ROBO1: variants seen among roughly 807,000 people sequenced by gnomAD.
The protein encoded by ROBO1 is roundabout guidance receptor 1.
Under a neutral mutation model 195.9 loss-of-function variants are expected in ROBO1, and 149 were observed. That is an observed-to-expected ratio of 0.76 (90% CI 0.67 to 0.87). The LOEUF (loss-of-function observed/expected upper bound fraction) is 0.87. Ranked by LOEUF, ROBO1 falls within the 40% of genes least tolerant of loss-of-function variation. ROBO1 has a pLI of 0.00. For missense variants in ROBO1, 1,933 were observed against 2,068.3 expected (o/e 0.93, Z 1.27); for synonymous variants, 816 against 733.2 (o/e 1.11, Z -1.82).
intron 16 of ROBO1, 85 bp from the exon 17 acceptor site, chr3:78,659,892 A>T: frequency 3.1e-6 from 3 of 969,694 alleles, no homozygotes; most frequent in Non-Finnish European, 4.4e-6. Context: ...CCAATAATAG[A>T]TGTATTAATA....
At chr3:79,193,581 C>CTTTTTTTTTT (rs869203963) in intron 2 of ROBO1, among the ~76,000 whole-genome samples, 2 of 85,626 alleles carry the variant, frequency 2.3e-5, no homozygotes, top group African/African-American at 4.5e-5. Context: ...TGTGGTTTTG[C>CTTTTTTTTTT]TTTTTTTTTT....
intron 30 of ROBO1, among the ~76,000 whole-genome samples, chr3:78,599,231 T>TACA (rs199735389): frequency 0.032 from 4,803 of 152,238 alleles, 93 homozygotes; most frequent in Non-Finnish European, 0.05. Context: ...AAGTCAACAT[T>TACA]ACAACTCTGC....
At chr3:78,959,183 A>G (rs558749143) in intron 3 of ROBO1, among the ~76,000 whole-genome samples, 45 of 152,332 alleles carry the variant, frequency 3.0e-4, no homozygotes, top group African/African-American at 1.1e-3. Context: ...AGTAACTAGT[A>G]CCAAAAAGCA....
At chr3:79,672,785 T>A (rs1946668173) in intron 1 of ROBO1, among the ~76,000 whole-genome samples, 1 of 151,964 alleles carries the variant, frequency 6.6e-6, no homozygotes, top group Non-Finnish European at 1.5e-5. Context: ...TAGTTTCTGA[T>A]ACTTGAATGT....
In ROBO1 at chr3:78,600,246, GA is replaced by G; in HGVS notation, c.4807del (p.Ser1603ProfsTer20). On this transcript the variant is annotated frameshift_variant, in exon 30 of 31. Transcript: ENST00000464233. LOFTEE classifies it high-confidence loss of function. ...PTSNNPRDPS[S>X]SSSMSSRGSG... ...TCCTCTTGATGACATTGAGCTTGAGGAACTGGGATCTCTGGGATTATTTGAT... is the reference window on the plus strand; with the variant it reads ...TCCTCTTGATGACATTGAGCTTGAGGACTGGGATCTCTGGGATTATTTGAT... 1 of 1,613,318 alleles carries G rather than the reference GA, an allele frequency of 6.2e-7. No homozygotes were observed. The highest frequency in any genetic ancestry group is 8.5e-7 in the Non-Finnish European group (1 of 1,179,382).
In ROBO1 at chr3:79,387,679, T is replaced by C. The variant is rs1171557477; in HGVS notation, c.88+202145A>G. On this transcript the variant is annotated intron_variant, in intron 2 of 30. Coordinates refer to ENST00000464233, the MANE Select transcript of ROBO1 (RefSeq NM_002941.4). ...TTTGTAAATAAATATAAAACAAATATGTAATAAGTACTCAAATTTAAAAAA... is the reference window on the plus strand; with the variant it reads ...TTTGTAAATAAATATAAAACAAATACGTAATAAGTACTCAAATTTAAAAAA... Among the ~76,000 whole-genome samples the C allele has an allele frequency of 4.3e-5, 6 of 139,904 alleles. No homozygotes were observed. In the East Asian group the frequency reaches 8.2e-4, roughly 19 times the overall value. 91.8% of individuals were successfully genotyped at this position (139,904 alleles called of 152,430 possible). A position where few individuals can be genotyped will look rare whatever the true frequency, so the allele number is the denominator to read the frequency against.
At chr3:79,154,895 T>G (rs2080832347) in intron 2 of ROBO1, among the ~76,000 whole-genome samples, 1 of 151,842 alleles carries the variant, frequency 6.6e-6, no homozygotes, top group Non-Finnish European at 1.5e-5. Context: ...ATCAGTTTAT[T>G]TAGCACAAAA....
At position 78,925,509 on chromosome 3, in the gene ROBO1, C is replaced by T. The variant is rs117158620; in HGVS notation, c.499+13092G>A. Among the ~76,000 whole-genome samples, 221 of 152,318 alleles carry T rather than the reference C, an allele frequency of 1.5e-3. 4 individuals are homozygous for T. In the East Asian group the frequency reaches 0.034, roughly 23 times the overall value. On this transcript the variant is annotated intron_variant, in intron 4 of 30. Coordinates refer to ENST00000464233, the MANE Select transcript of ROBO1 (RefSeq NM_002941.4). ...TATGGATAATTTGTGCGCAATCACT[C>T]ATTTCCACTGTGGGAACAAAATGTA...
In ROBO1 at chr3:78,598,936, G is replaced by T. The variant is rs1183166777; in HGVS notation, c.4942-9C>A. ...CTTCAGCTTTCAGTTTCCTGTAAGA[G>T]ATACGTTATTGTCACATTTGAAAAT... On this transcript the variant is annotated splice_polypyrimidine_tract_variant and intron_variant, in intron 30 of 30. Transcript: ENST00000464233. The T allele has an allele frequency of 2.6e-6, 4 of 1,551,940 alleles. No individual in the cohort carries two copies. Among genetic ancestry groups the T allele is most frequent in the Non-Finnish European group, 3.5e-6 (4 of 1,138,336 alleles).
At chr3:78,662,243 GGA>G in intron 14 of ROBO1, 129 bp from the exon 15 acceptor site, 7 of 555,604 alleles carry the variant, frequency 1.3e-5, no homozygotes, top group Non-Finnish European at 1.6e-5. Flanking sequence ...GCTGTGATTC[GGA>G]AAAAAAAAAA....
At chr3:79,154,167 GTAAACAT>G (rs2080819571) in intron 2 of ROBO1, among the ~76,000 whole-genome samples, 1 of 151,762 alleles carries the variant, frequency 6.6e-6, no homozygotes, top group African/African-American at 2.4e-5. Flanking sequence ...TGGGTTCAGA[GTAAACAT>G]TTGTTGAGTG....
intron 4 of ROBO1, among the ~76,000 whole-genome samples, chr3:78,841,813 CA>C (rs1169843085): frequency 1.3e-5 from 2 of 152,172 alleles, no homozygotes; most frequent in East Asian, 3.9e-4. Flanking sequence ...CATGGAAAAA[CA>C]GATTTTCTAA....
chr3:79,057,521 T>C (rs1349098228), intron 3 of ROBO1, among the ~76,000 whole-genome samples: 1 of 152,012 alleles, frequency 6.6e-6, no homozygotes, highest in Non-Finnish European at 1.5e-5. Flanking sequence ...GGTTCAATCC[T>C]CCCTGATGGC....
chr3:79,664,699 G>T (rs1576198757), intron 1 of ROBO1, among the ~76,000 whole-genome samples: 1 of 152,008 alleles, frequency 6.6e-6, no homozygotes, highest in South Asian at 2.1e-4. Context: ...ATTCATTTAC[G>T]GTGCTTGTTA....
intron 5 of ROBO1, among the ~76,000 whole-genome samples, chr3:78,736,129 T>C (rs955459809): frequency 6.6e-6 from 1 of 152,170 alleles, no homozygotes; most frequent in Admixed American, 6.6e-5. Context: ...TCTTCCCATT[T>C]TGTCGGAGAG....
intron 8 of ROBO1, among the ~76,000 whole-genome samples, 186 bp from the exon 9 acceptor site, chr3:78,688,958 TAG>T (rs1223165081): frequency 6.6e-6 from 1 of 152,222 alleles, no homozygotes; most frequent in Non-Finnish European, 1.5e-5. Flanking sequence ...GAAAATGAAA[TAG>T]AGTTGTTATA....
intron 2 of ROBO1, among the ~76,000 whole-genome samples, chr3:79,259,473 A>C (rs932147168): frequency 1.3e-5 from 2 of 152,024 alleles, no homozygotes; most frequent in Admixed American, 1.3e-4. Flanking sequence ...TAAAATGTAC[A>C]ATTAAGTTAT....
intron 4 of ROBO1, among the ~76,000 whole-genome samples, chr3:78,748,733 T>A (rs2082718893): frequency 6.6e-6 from 1 of 152,058 alleles, no homozygotes; most frequent in South Asian, 2.1e-4. Flanking sequence ...ATCACATCCA[T>A]GAAAAAAATC....
At chr3:79,566,952 G>A (rs1413384038) in intron 2 of ROBO1, among the ~76,000 whole-genome samples, 10 of 152,122 alleles carry the variant, frequency 6.6e-5, no homozygotes, top group Middle Eastern at 3.4e-3. Context: ...ACACATGCAC[G>A]TGTATGTTCA....
Sources: gnomAD v4.1 joint callset for allele counts (sites outside exome capture counted in the v4.1 genomes callset) on GRCh38, gnomAD v4.1.1 for gene constraint, MANE v1.5 for transcripts, NCBI Gene and HGNC (gene_info 2026-07-23, HGNC 2026-07-21) for gene names.